Variants in KIF15 observed in about 807,000 individuals in gnomAD.
KIF15 encodes kinesin-like protein KIF15.
A neutral mutation model predicts 190.6 loss-of-function variants in KIF15; 140 were observed. The ratio of observed to expected loss-of-function variants is 0.73; its 90% CI spans 0.64 to 0.84. The LOEUF (loss-of-function observed/expected upper bound fraction) is 0.84, where lower values mean the gene tolerates loss of function less well. Ranked by LOEUF, KIF15 falls within the 40% of genes least tolerant of loss-of-function variation. The probability of loss-of-function intolerance (pLI) is 0.00; values close to 1 mark genes in which losing one functional copy is unlikely to be tolerated. For synonymous variants in KIF15, 528 were observed against 551.3 expected (o/e 0.96, Z 0.59); for missense variants, 1,372 against 1,584.4 (o/e 0.87, Z 2.28).
chr3:44,779,429 T>C (rs1004315350), intron 4 of KIF15, among the ~76,000 whole-genome samples: 1 of 152,168 alleles, frequency 6.6e-6, no homozygotes, highest in Admixed American at 6.5e-5. Flanking sequence ...AGGTAATACA[T>C]GGCAGGGTGG....
intron 28 of KIF15, 81 bp from the exon 29 acceptor site, chr3:44,840,993 T>G (rs780868828): frequency 2.3e-5 from 30 of 1,308,250 alleles, no homozygotes; most frequent in African/African-American, 3.0e-5. Context: ...ATATTTTTTA[T>G]GTACTTGACA....
At chr3:44,786,349 T>G in intron 6 of KIF15, 46 bp from the exon 7 acceptor site, 1 of 1,508,170 alleles carries the variant, frequency 6.6e-7, no homozygotes, top group South Asian at 1.3e-5. Context: ...AAACTAGGTA[T>G]GAACACATGA....
chr3:44,778,498 C>T (rs890188029), intron 4 of KIF15, among the ~76,000 whole-genome samples: 2 of 152,120 alleles, frequency 1.3e-5, no homozygotes, highest in Non-Finnish European at 2.9e-5. Context: ...ACATGTAACT[C>T]TTTGACTCTT....
chr3:44,863,932 G>A (rs1302265885), intron 6 of KIF15: 3 of 487,814 alleles, frequency 6.1e-6, no homozygotes, highest in Non-Finnish European at 1.1e-5. Context: ...CTTTGGATTA[G>A]CATTTTGCTT....
intron 5 of KIF15, among the ~76,000 whole-genome samples, chr3:44,782,284 A>G (rs1245293588): frequency 6.6e-6 from 1 of 151,502 alleles, no homozygotes; most frequent in Non-Finnish European, 1.5e-5. Flanking sequence ...CTGGTCTCGA[A>G]CTCCCGACCT....
intron 30 of KIF15, among the ~76,000 whole-genome samples, 165 bp downstream of exon 30, chr3:44,843,399 C>T (rs917619438): frequency 2.0e-5 from 3 of 152,124 alleles, no homozygotes; most frequent in African/African-American, 7.2e-5. Context: ...ATCTGTTCAC[C>T]TTTGCATTGC....
chr3:44,818,277 A>G (rs531704469), intron 20 of KIF15, among the ~76,000 whole-genome samples: 5 of 152,302 alleles, frequency 3.3e-5, no homozygotes, highest in African/African-American at 9.6e-5. Context: ...TTCCAACACT[A>G]TATTGAAGAG....
Position 44,786,536 on chromosome 3 carries a change from G to A in KIF15, c.601G>A (p.Val201Met). ...GAAGGGAGTCTTTGTTGTTGGTGCG[G>A]TGGAGCAGGTGGTAACCTCAGCTGC... ...IKKGVFVVGAVEQVVTSAAEA... is the reference protein window; with the variant it reads ...IKKGVFVVGAMEQVVTSAAEA... The change falls in exon 7 of 35, where the codon GTG becomes ATG. Residue 201 changes from valine to methionine, a missense_variant. Coordinates refer to ENST00000326047, the MANE Select transcript of KIF15 (RefSeq NM_020242.3). 2 of 1,612,848 alleles carry A rather than the reference G, an allele frequency of 1.2e-6. No homozygotes were observed. The highest frequency in any genetic ancestry group is 1.7e-6 in the Non-Finnish European group (2 of 1,179,194).
At chr3:44,831,508 A>G (rs75916111) in intron 26 of KIF15, among the ~76,000 whole-genome samples, 2,836 of 152,308 alleles carry the variant, frequency 0.019, 75 homozygotes, top group African/African-American at 0.063. Context: ...GGATGCAGTG[A>G]TAGTAGCAGA....
intron 27 of KIF15, among the ~76,000 whole-genome samples, chr3:44,839,135 C>T (rs571335393): frequency 6.6e-6 from 1 of 152,120 alleles, no homozygotes; most frequent in South Asian, 2.1e-4. Context: ...CTTTGGGAGG[C>T]CAAGGTGGGT....
Position 44,813,157 on chromosome 3 carries a change from A to G in KIF15, c.2360A>G (p.Gln787Arg). Residue 787 changes from glutamine to arginine, a missense_variant, in exon 19 of 35, where the codon CAA becomes CGA. Transcript: ENST00000326047. ...TTGAATGTCCTTGAAAAGCAGCTTC[A>G]AGAGACTCAAACTAAAAATGACTGT... ...SQLNVLEKQL[Q>R]ETQTKNDFLK... 6.2e-7 allele frequency: 1 copy of G among 1,600,072 alleles called. No homozygotes were observed. The highest frequency in any genetic ancestry group is 1.1e-5 in the South Asian group (1 of 88,378).
Position 44,826,355 on chromosome 3 carries a change from A to G in KIF15, c.2701-20A>G, listed in dbSNP as rs947969976. 1 of 1,605,626 alleles carries G rather than the reference A, an allele frequency of 6.2e-7. No individual in the cohort carries two copies. Among genetic ancestry groups the G allele is most frequent in the African/African-American group, 1.3e-5 (1 of 74,562 alleles). On this transcript the variant is annotated intron_variant, in intron 21 of 34. Transcript: ENST00000326047. Reference sequence around the variant, plus strand: ...TGCATTGCTAGTAACAGTTACTTAAAATCTAATGTTGTCTTTTAGAATTTG... The same window carrying G: ...TGCATTGCTAGTAACAGTTACTTAAGATCTAATGTTGTCTTTTAGAATTTG...
At chr3:44,810,282 C>T (rs1339420518) in intron 16 of KIF15, among the ~76,000 whole-genome samples, 1 of 152,024 alleles carries the variant, frequency 6.6e-6, no homozygotes, top group Non-Finnish European at 1.5e-5. Flanking sequence ...GACAGGGTCT[C>T]AGTCTGTCAC....
chr3:44,865,172 C>G, intron 6 of KIF15: 3 of 1,614,194 alleles, frequency 1.9e-6, no homozygotes, highest in Non-Finnish European at 2.5e-6. Flanking sequence ...TCCACACAAG[C>G]AGCAGTAGCA....
At chr3:44,859,975 A>T (rs1699222062) in intron 6 of KIF15, among the ~76,000 whole-genome samples, 1 of 152,208 alleles carries the variant, frequency 6.6e-6, no homozygotes, top group African/African-American at 2.4e-5. Context: ...TTCAGCCATC[A>T]TCACCAGGGC....
At chr3:44,779,390 G>T (rs1189301015) in intron 4 of KIF15, among the ~76,000 whole-genome samples, 1 of 152,178 alleles carries the variant, frequency 6.6e-6, no homozygotes, top group Non-Finnish European at 1.5e-5. Flanking sequence ...GAATGCCATT[G>T]CTTCTAGGCC....
At chr3:44,764,717 C>A (rs1705308399) in intron 1 of KIF15, among the ~76,000 whole-genome samples, 1 of 130,836 alleles carries the variant, frequency 7.6e-6, no homozygotes, top group Non-Finnish European at 1.6e-5. Flanking sequence ...TGGCTCACTG[C>A]AACCTCCATC....
chr3:44,766,940 A>T (rs1023364797), intron 1 of KIF15, among the ~76,000 whole-genome samples: 18 of 149,526 alleles, frequency 1.2e-4, no homozygotes, highest in Non-Finnish European at 2.2e-4. Context: ...CCTCCTGGGT[A>T]GCTGGGACTA....
intron 8 of KIF15, among the ~76,000 whole-genome samples, chr3:44,795,130 G>A (rs1341086432): frequency 6.6e-6 from 1 of 152,190 alleles, no homozygotes; most frequent in African/African-American, 2.4e-5. Flanking sequence ...TAGCAAAAAT[G>A]TTTTAATTCA....
Sources: allele counts gnomAD v4.1 joint callset (sites outside exome capture counted in the v4.1 genomes callset), GRCh38; gene constraint gnomAD v4.1.1; transcripts MANE v1.5; gene names NCBI Gene and HGNC (gene_info 2026-07-23, HGNC 2026-07-21).